The following LACRT variants were observed in gnomAD, a reference collection of about 807,000 sequenced individuals.
The protein encoded by LACRT is extracellular glycoprotein lacritin.
A neutral mutation model predicts 14.5 loss-of-function variants in LACRT; 14 were observed. The ratio of observed to expected loss-of-function variants is 0.96; its 90% CI spans 0.64 to 1.51. LACRT has a LOEUF of 1.51. LACRT is among the 40% of genes most tolerant of loss of function. The pLI is 0.00. For synonymous variants in LACRT, 70 were observed against 63.5 expected, an observed-to-expected ratio of 1.10 and a Z score of -0.48; for missense variants, 156 against 161.8, an observed-to-expected ratio of 0.96 and a Z score of 0.19.
intron 3 of LACRT, 140 bp from the exon 4 acceptor site, chr12:54,631,979 G>A (rs1958155293): frequency 4.6e-6 from 3 of 658,542 alleles, no homozygotes; most frequent in Non-Finnish European, 7.6e-6. Context: ...AAGTGCAGAA[G>A]TTTTGCTGAG....
chr12:54,633,914 A>G (rs1449313830), intron 1 of LACRT, among the ~76,000 whole-genome samples: 1 of 152,154 alleles, frequency 6.6e-6, no homozygotes, highest in East Asian at 1.9e-4. Context: ...ATGAAAAATC[A>G]TTGGCCAGGT....
chr12:54,633,130 T>A, intron 2 of LACRT, 50 bp downstream of exon 2: 1 of 1,573,580 alleles, frequency 6.4e-7, no homozygotes, highest in Non-Finnish European at 8.7e-7. Context: ...CATCCCTAAC[T>A]GTTAAACCTT....
rs762479203 is a variant in LACRT at position 54,631,841 on chromosome 12, T to G, written c.254-2A>C. On this transcript the variant is annotated splice_acceptor_variant, in intron 3 of 4. Transcript: ENST00000257867. LOFTEE classifies it high-confidence loss of function. ...AGATACTTTTCTCCACTATGGATTC[T>G]AATTTTGGAGCAGAACAATCACATC... The G allele has an allele frequency of 5.0e-6, 8 of 1,605,766 alleles. No homozygotes were observed. The East Asian group carries it at 8.9e-5, about 18-fold the overall frequency.
chr12:54,633,955 G>A (rs191980059), intron 1 of LACRT, among the ~76,000 whole-genome samples: 177 of 152,238 alleles, frequency 1.2e-3, no homozygotes, highest in African/African-American at 4.0e-3. Context: ...GAAGGGGCCA[G>A]GGAGAGGGAA....
At chr12:54,632,043 A>G in intron 3 of LACRT, 198 bp downstream of exon 3, 1 of 681,984 alleles carries the variant, frequency 1.5e-6, no homozygotes, top group Non-Finnish European at 2.5e-6. Context: ...GAAACCATGT[A>G]TTGTGCAGGC....
intron 4 of LACRT, 38 bp downstream of exon 4, chr12:54,631,700 T>C (rs774759576): frequency 1.4e-6 from 2 of 1,467,924 alleles, no homozygotes; most frequent in South Asian, 1.1e-5. Flanking sequence ...TGGTGAGTAT[T>C]CTCATTCCCA....
chr12:54,632,474 T>G (rs1958159441), intron 2 of LACRT, 93 bp from the exon 3 acceptor site: 49 of 1,460,972 alleles, frequency 3.4e-5, no homozygotes, highest in Non-Finnish European at 4.6e-5. Flanking sequence ...TAATGTGTGC[T>G]GGGTGCCAGG....
intron 1 of LACRT, 81 bp downstream of exon 1, chr12:54,634,703 A>C (rs1565725464): frequency 1.0e-5 from 13 of 1,258,700 alleles, no homozygotes; most frequent in Non-Finnish European, 8.2e-6. Context: ...CTGAGAGAGG[A>C]GGAGAGGGGT....
intron 1 of LACRT, among the ~76,000 whole-genome samples, chr12:54,633,494 C>T (rs1426564393): frequency 6.6e-6 from 1 of 152,170 alleles, no homozygotes; most frequent in African/African-American, 2.4e-5. Context: ...TTCCTCCTGA[C>T]TGGCCCCTGG....
rs777252435 is a variant in LACRT at position 54,630,894 on chromosome 12, A to C, written c.415T>G (p.Ter139GlyextTer22). Residue 139 changes from the stop codon to glycine (G), a stop_lost, in exon 5 of 5, where the codon TGA becomes GGA. Transcript: ENST00000257867. ...KKFSLLKPWA[*>G] ...ATGATCCCATTCTTTTCAGCTTCTC[A>C]TGCCCATGGTTTTAATAGACTGAAT... is the stretch of plus-strand genomic sequence containing the variant. The C allele has an allele frequency of 1.9e-5, 30 of 1,605,736 alleles. No homozygotes were observed. Among genetic ancestry groups the C allele is most frequent in the Non-Finnish European group, 2.6e-5 (30 of 1,172,512 alleles).
Position 54,633,206 on chromosome 12 carries a change from G to A in LACRT, c.86C>T (p.Ala29Val). The change falls in exon 2 of 5, where the codon GCT becomes GTT. Residue 29 changes from alanine to valine, a missense_variant. Physicochemically the swap from Ala to Val is moderately conservative, Grantham distance 64. Coordinates refer to ENST00000257867, the MANE Select transcript of LACRT (RefSeq NM_033277.2). The stretch of plus-strand genomic sequence containing the variant: ...GGTCCCAGCTTCCTGGGCAGGATCA[G>A]CACCCGTCGAGTCAGAGGAGGCATC... ...AEDASSDSTG[A>V]DPAQEAGTSK... is the part of the protein sequence containing the mutation. The A allele has an allele frequency of 6.2e-7, 1 of 1,613,938 alleles. No individual in the cohort carries two copies. The highest frequency in any genetic ancestry group is 8.5e-7 in the Non-Finnish European group (1 of 1,179,918).
In LACRT at chr12:54,632,373, T is replaced by C. The variant is rs1958158634; in HGVS notation, c.121A>G (p.Asn41Asp). The C allele has an allele frequency of 6.2e-7, 1 of 1,614,002 alleles. No individual in the cohort carries two copies. Among genetic ancestry groups the C allele is most frequent in the Non-Finnish European group, 8.5e-7 (1 of 1,179,990 alleles). The change falls in exon 3 of 5, where the codon AAT (asparagine) becomes GAT (aspartate). Residue 41 changes from asparagine to aspartate, a missense_variant. Coordinates refer to ENST00000257867, the MANE Select transcript of LACRT (RefSeq NM_033277.2). The stretch of plus-strand genomic sequence containing the variant: ...TCTGCTGGACCTGAGATCTCTTCAT[T>C]AGGCTTAGCTGTGAATGCACAAATT... ...PAQEAGTSKP[N>D]EEISGPAEPA...
At position 54,631,805 on chromosome 12, in the gene LACRT, T is replaced by A; in HGVS notation, c.288A>T (p.Glu96Asp). The A allele has an allele frequency of 6.2e-7, 1 of 1,614,002 alleles. No homozygotes were observed. The highest frequency in any genetic ancestry group is 2.2e-5 in the East Asian group (1 of 44,874). Residue 96 changes from glutamate to aspartate, a missense_variant, in exon 4 of 5, where the codon GAA becomes GAT. Coordinates refer to ENST00000257867, the MANE Select transcript of LACRT (RefSeq NM_033277.2). ...CTTTTCCTGCTTTTGCAAGGGCTTGTTCTGTTAGTAAGATACTTTTCTCCA... is the reference window on the plus strand; with the variant it reads ...CTTTTCCTGCTTTTGCAAGGGCTTGATCTGTTAGTAAGATACTTTTCTCCA... ...SIVEKSILLTEQALAKAGKGM... is the reference protein window; with the variant it reads ...SIVEKSILLTDQALAKAGKGM...
Position 54,633,212 on chromosome 12 carries a change from G to T in LACRT, c.80C>A (p.Thr27Lys), listed in dbSNP as rs374392966. Residue 27 changes from threonine to lysine, a missense_variant, in exon 2 of 5, where the codon ACG becomes AAG. Coordinates refer to ENST00000257867, the MANE Select transcript of LACRT (RefSeq NM_033277.2). ...VYAEDASSDS[T>K]GADPAQEAGT... Reference sequence around the variant, plus strand: ...AGCTTCCTGGGCAGGATCAGCACCCGTCGAGTCAGAGGAGGCATCTTCTGC... The same window carrying T: ...AGCTTCCTGGGCAGGATCAGCACCCTTCGAGTCAGAGGAGGCATCTTCTGC... 1.2e-6 allele frequency: 2 copies of T among 1,613,726 alleles called. No individual in the cohort carries two copies. The highest frequency in any genetic ancestry group is 1.7e-6 in the Non-Finnish European group (2 of 1,179,906).
intron 4 of LACRT, among the ~76,000 whole-genome samples, 196 bp downstream of exon 4, chr12:54,631,542 G>A (rs141300645): frequency 1.5e-3 from 229 of 152,288 alleles, no homozygotes; most frequent in African/African-American, 5.2e-3. Context: ...TGCCCAGCTG[G>A]CAATTTGAAT....
At chr12:54,632,489 A>G in intron 2 of LACRT, 108 bp from the exon 3 acceptor site, 2 of 1,317,354 alleles carry the variant, frequency 1.5e-6, no homozygotes, top group Non-Finnish European at 1.1e-6. Flanking sequence ...GCCAGGATAC[A>G]GAAGTGATAT....
chr12:54,630,838 G>A lies in LACRT; in HGVS notation c.*54C>T, dbSNP rs967189454. ...GGATGCTTTCGTTTTAATAGCTCTG[G>A]GCTACAAGGGTATTTAAGGCTTTAA... On this transcript the variant is annotated 3_prime_UTR_variant, in exon 5 of 5. Transcript: ENST00000257867. 1.5e-6 allele frequency: 2 copies of A among 1,324,692 alleles called. No homozygotes were observed. Among genetic ancestry groups the A allele is most frequent in the African/African-American group, 2.9e-5 (2 of 69,118 alleles). The allele number at this position is 1,324,692 out of a possible 1,614,324, so 82.1% of individuals were successfully genotyped here.
At chr12:54,633,124 C>T in intron 2 of LACRT, 56 bp downstream of exon 2, 1 of 1,548,996 alleles carries the variant, frequency 6.5e-7, no homozygotes, top group Non-Finnish European at 8.9e-7. Flanking sequence ...CACTCACATC[C>T]CTAACTGTTA....
At chr12:54,631,119 A>T (rs1451340205) in intron 4 of LACRT, among the ~76,000 whole-genome samples, 166 bp from the exon 5 acceptor site, 3 of 152,194 alleles carry the variant, frequency 2.0e-5, no homozygotes, top group Admixed American at 6.5e-5. Flanking sequence ...AGCCTGAAGG[A>T]CCTACCCTCT....
Sources: allele counts gnomAD v4.1 joint callset (sites outside exome capture counted in the v4.1 genomes callset), GRCh38; gene constraint gnomAD v4.1.1; transcripts MANE v1.5; gene names NCBI Gene and HGNC (gene_info 2026-07-23, HGNC 2026-07-21).